The following ST8SIA1 variants were observed in gnomAD, a reference collection of about 807,000 sequenced individuals.
ST8SIA1 encodes the protein alpha-N-acetylneuraminide alpha-2,8-sialyltransferase.
A neutral mutation model predicts 35.9 loss-of-function variants in ST8SIA1; 16 were observed. The ratio of observed to expected loss-of-function variants is 0.45; its 90% CI spans 0.30 to 0.68. The LOEUF (loss-of-function observed/expected upper bound fraction) is 0.68. Ranked by LOEUF, ST8SIA1 falls within the 30% of genes least tolerant of loss-of-function variation. The pLI, the probability that ST8SIA1 is intolerant of heterozygous loss-of-function variation, is 0.09. For missense variants in ST8SIA1, 383 were observed against 453.6 expected, an observed-to-expected ratio of 0.84 and a Z score of 1.41; for synonymous variants, 170 against 169.6, an observed-to-expected ratio of 1.00 and a Z score of -0.02.
At chr12:22,210,821 C>G (rs1865168268) in intron 4 of ST8SIA1, among the ~76,000 whole-genome samples, 1 of 152,182 alleles carries the variant, frequency 6.6e-6, no homozygotes, top group South Asian at 2.1e-4. Context: ...TGAACTGTAA[C>G]TTAACAGGAT....
At chr12:22,235,599 A>G (rs1018890209) in intron 4 of ST8SIA1, among the ~76,000 whole-genome samples, 1 of 152,288 alleles carries the variant, frequency 6.6e-6, no homozygotes. Flanking sequence ...CTTGGCATAT[A>G]TGGAATTGGT....
intron 2 of ST8SIA1, among the ~76,000 whole-genome samples, chr12:22,283,772 C>A (rs1866063689): frequency 6.6e-6 from 1 of 152,114 alleles, no homozygotes; most frequent in Admixed American, 6.5e-5. Context: ...ACGCCCTTGA[C>A]AGACATGAGT....
intron 4 of ST8SIA1, among the ~76,000 whole-genome samples, chr12:22,233,193 G>A (rs2120701781): frequency 6.6e-6 from 1 of 152,238 alleles, no homozygotes; most frequent in Middle Eastern, 3.4e-3. Flanking sequence ...TAGACGTACA[G>A]GTCATACACA....
chr12:22,314,751 C>T lies in ST8SIA1; in HGVS notation c.236+19246G>A, dbSNP rs1354174691. Among the ~76,000 whole-genome samples the T allele has an allele frequency of 1.3e-4, 20 of 152,230 alleles. No individual in the cohort carries two copies. The East Asian group carries it at 3.7e-3, about 28-fold the overall frequency. ...TTGTTTGTACTCTAGACTGGGCTCT[C>T]GGCATGACTGTTTCTTAACTCACAT... On this transcript the variant is annotated intron_variant, in intron 1 of 4. Transcript: ENST00000396037.
intron 4 of ST8SIA1, among the ~76,000 whole-genome samples, chr12:22,206,871 A>G (rs1162944187): frequency 6.6e-6 from 1 of 152,190 alleles, no homozygotes; most frequent in Non-Finnish European, 1.5e-5. Context: ...TTAAACATCT[A>G]TAATTAGTTT....
chr12:22,307,292 G>A (rs1176681968), intron 1 of ST8SIA1, among the ~76,000 whole-genome samples: 1 of 152,152 alleles, frequency 6.6e-6, no homozygotes, highest in Non-Finnish European at 1.5e-5. Flanking sequence ...TTTCACAAAT[G>A]TCAGTCTCCA....
At chr12:22,298,861 T>C (rs58527879) in intron 1 of ST8SIA1, among the ~76,000 whole-genome samples, 1 of 152,154 alleles carries the variant, frequency 6.6e-6, no homozygotes, top group East Asian at 1.9e-4. Context: ...ATTGAGAGAC[T>C]TGAAAGCAAC....
chr12:22,239,080 C>T (rs1367771072), intron 4 of ST8SIA1, among the ~76,000 whole-genome samples: 4 of 152,224 alleles, frequency 2.6e-5, no homozygotes, highest in Admixed American at 2.0e-4. Flanking sequence ...AGAGGAAGTT[C>T]GTTTTTAGTA....
rs1865052382 is a variant in ST8SIA1 at position 22,201,895 on chromosome 12, C to T, written c.728G>A (p.Gly243Asp). The T allele has an allele frequency of 6.2e-7, 1 of 1,614,114 alleles. No individual in the cohort carries two copies. Among genetic ancestry groups the T allele is most frequent in the Non-Finnish European group, 8.5e-7 (1 of 1,179,982 alleles). Reference sequence around the variant, plus strand: ...GGCAAACAGCACTGTTTGATTGGCACCAACATCTGACAGTGTATAATAAAC... The same window carrying T: ...GGCAAACAGCACTGTTTGATTGGCATCAACATCTGACAGTGTATAATAAAC... Reference protein sequence around the residue: ...LRVYYTLSDVGANQTVLFANP... With the variant: ...LRVYYTLSDVDANQTVLFANP... Residue 243 changes from glycine to aspartate, a missense_variant, in exon 5 of 5, where the codon GGT (glycine) becomes GAT (aspartate). Physicochemically the swap from Gly to Asp is moderately conservative, Grantham distance 94. Transcript: ENST00000396037.
rs11046356 is a variant in ST8SIA1, at chr12:22,282,847, C to T, written c.381+4302G>A. Among the ~76,000 whole-genome samples the T allele has an allele frequency of 4.6e-5, 7 of 151,866 alleles. No individual in the cohort carries two copies. In the East Asian group the frequency reaches 1.2e-3, roughly 25 times the overall value. ...AGATATATGTCACGGGAAATGATTACAATAATATGAATAAGTGGAAAAAAC... is the reference window on the plus strand; with the variant it reads ...AGATATATGTCACGGGAAATGATTATAATAATATGAATAAGTGGAAAAAAC... On this transcript the variant is annotated intron_variant, in intron 2 of 4. Coordinates refer to ENST00000396037, the MANE Select transcript of ST8SIA1 (RefSeq NM_003034.4).
Position 22,334,194 on chromosome 12 carries a change from T to C in ST8SIA1, c.39A>G (p.Arg13=), listed in dbSNP as rs1866814035. 6.2e-7 allele frequency: 1 copy of C among 1,613,452 alleles called. No homozygotes were observed. ...TCCACGCCAGTACAGCCATGGCCCC[T>C]CTGGACGTTTGTCGCCGGGCCCGCC... ...PCGRARRQTS[R]GAMAVLAWKF... is the part of the protein sequence containing the mutation. The change falls in exon 1 of 5, where the codon AGA becomes AGG. Residue 13 remains arginine (R), a synonymous_variant. Transcript: ENST00000396037.
At position 22,334,496 on chromosome 12, in the gene ST8SIA1, C is replaced by T; in HGVS notation, c.-264G>A. 1.9e-6 allele frequency: 1 copy of T among 527,452 alleles called. No homozygotes were observed. The highest frequency in any genetic ancestry group is 2.4e-5 in the South Asian group (1 of 41,572). The allele number at this position is 527,452 out of a possible 1,614,324, so 32.7% of individuals were successfully genotyped here. A position where few individuals can be genotyped will look rare whatever the true frequency, so the allele number is the denominator to read the frequency against. ...TCTATGGCCATGGTCGCTTCCCCTG[C>T]AGAAGGCGGGCGCTGGGGTCTCCGA... On this transcript the variant is annotated 5_prime_UTR_variant, in exon 1 of 5. Coordinates refer to ENST00000396037, the MANE Select transcript of ST8SIA1 (RefSeq NM_003034.4).
intron 4 of ST8SIA1, among the ~76,000 whole-genome samples, chr12:22,226,728 A>G (rs1413083802): frequency 6.6e-6 from 1 of 152,008 alleles, no homozygotes; most frequent in Non-Finnish European, 1.5e-5. Flanking sequence ...AACATCCAAC[A>G]TGAACTTTAT....
At chr12:22,228,462 T>C (rs1328466258) in intron 4 of ST8SIA1, among the ~76,000 whole-genome samples, 1 of 152,244 alleles carries the variant, frequency 6.6e-6, no homozygotes, top group Non-Finnish European at 1.5e-5. Context: ...TAATTTAATT[T>C]AAAAGTTGGA....
At chr12:22,230,071 G>T (rs1311705170) in intron 4 of ST8SIA1, among the ~76,000 whole-genome samples, 1 of 152,184 alleles carries the variant, frequency 6.6e-6, no homozygotes, top group Non-Finnish European at 1.5e-5. Context: ...TTAAATCTCT[G>T]TTTCAAAATA....
In ST8SIA1 at chr12:22,325,134, A is replaced by T. The variant is rs557184703; in HGVS notation, c.236+8863T>A. 7.1e-5 allele frequency: 21 copies of T among 294,118 alleles called. No individual in the cohort carries two copies. The East Asian group carries it at 1.3e-3, about 18-fold the overall frequency. 18.2% of individuals were successfully genotyped at this position (294,118 alleles called of 1,614,324 possible). ...CATTTAAAAGTTTTCTATAGTAAATATGTATTCTTTCCAAAATCAGACAAA... is the reference window on the plus strand; with the variant it reads ...CATTTAAAAGTTTTCTATAGTAAATTTGTATTCTTTCCAAAATCAGACAAA... On this transcript the variant is annotated intron_variant, in intron 1 of 4. Coordinates refer to ENST00000396037, the MANE Select transcript of ST8SIA1 (RefSeq NM_003034.4).
chr12:22,279,624 T>C (rs539503907), intron 2 of ST8SIA1, among the ~76,000 whole-genome samples: 1 of 152,350 alleles, frequency 6.6e-6, no homozygotes, highest in East Asian at 1.9e-4. Flanking sequence ...CCCATTTTCA[T>C]CTCTGCATTC....
rs577260771 is a variant in ST8SIA1 at position 22,206,065 on chromosome 12, A to T, written c.585-4027T>A. On this transcript the variant is annotated intron_variant, in intron 4 of 4. Coordinates refer to ENST00000396037, the MANE Select transcript of ST8SIA1 (RefSeq NM_003034.4). ...TAAAGCATTCAGTTACAGTTACAAG[A>T]CGCAAATTGAATACAAAAAGGAATA... 1.5e-3 allele frequency among the ~76,000 whole-genome samples: 230 copies of T among 152,334 alleles called. 2 individuals are homozygous for T. The highest frequency in any genetic ancestry group is 2.4e-3 in the Non-Finnish European group (161 of 68,014).
chr12:22,285,141 C>T (rs1208855936), intron 2 of ST8SIA1, among the ~76,000 whole-genome samples: 1 of 152,214 alleles, frequency 6.6e-6, no homozygotes, highest in Non-Finnish European at 1.5e-5. Context: ...CTTTCCTGGA[C>T]TTCTTCGCAA....
Sources: allele counts gnomAD v4.1 joint callset (sites outside exome capture counted in the v4.1 genomes callset), GRCh38; gene constraint gnomAD v4.1.1; transcripts MANE v1.5; gene names NCBI Gene and HGNC (gene_info 2026-07-23, HGNC 2026-07-21).